PLSCR5: variants seen among roughly 807,000 people sequenced by gnomAD.
PLSCR5 encodes phospholipid scramblase family member 5.
A neutral mutation model predicts 33.6 loss-of-function variants in PLSCR5; 44 were observed. The ratio of observed to expected loss-of-function variants is 1.31; its 90% confidence interval spans 1.03 to 1.69. The LOEUF (loss-of-function observed/expected upper bound fraction) is 1.69, where lower values mean the gene tolerates loss of function less well. Ranked by LOEUF, PLSCR5 falls within the 40% of genes most tolerant of loss-of-function variation. The pLI, the probability that PLSCR5 is intolerant of heterozygous loss-of-function variation, is 0.00. For synonymous variants in PLSCR5, 148 were observed against 112.3 expected (o/e 1.32, Z -2.01); for missense variants, 375 against 318.7 (o/e 1.18, Z -1.34).
rs760327163 is a variant in PLSCR5 at position 146,593,958 on chromosome 3, T to A, written c.415A>T (p.Arg139Ter). 2 of 1,613,646 alleles carry A rather than the reference T, an allele frequency of 1.2e-6. No homozygotes were observed. Among genetic ancestry groups the A allele is most frequent in the African/African-American group, 2.7e-5 (2 of 74,884 alleles). Residue 139 changes from arginine (R) to a stop codon, truncating the protein, a stop_gained, in exon 4 of 8, where the codon AGA (arginine) becomes TGA (stop). Coordinates refer to ENST00000443512, the MANE Select transcript of PLSCR5 (RefSeq NM_001085420.2). LOFTEE classifies it high-confidence loss of function. ...CAAGGGCACCAGCAGCTGTTACATCTCAAGGGCCTGTTCACTGTAATGACC... is the reference window on the plus strand; with the variant it reads ...CAAGGGCACCAGCAGCTGTTACATCACAAGGGCCTGTTCACTGTAATGACC... ...REVITVNRPL[R>*]CNSCWCPCYL...
At chr3:146,588,255 G>C (rs1430474746) in intron 6 of PLSCR5, among the ~76,000 whole-genome samples, 1 of 152,082 alleles carries the variant, frequency 6.6e-6, no homozygotes, top group Non-Finnish European at 1.5e-5. Flanking sequence ...TGGATCACGA[G>C]GTCAGAAGAT....
chr3:146,589,176 G>A (rs1157622778), intron 6 of PLSCR5, among the ~76,000 whole-genome samples: 2 of 152,066 alleles, frequency 1.3e-5, no homozygotes, highest in African/African-American at 2.4e-5. Flanking sequence ...AGAAATAATG[G>A]CAACTGGTAC....
chr3:146,586,327 C>T (rs926406466), intron 6 of PLSCR5, among the ~76,000 whole-genome samples: 1 of 151,958 alleles, frequency 6.6e-6, no homozygotes, highest in Non-Finnish European at 1.5e-5. Flanking sequence ...CTTAGAAACC[C>T]TATCTGAATC....
In PLSCR5 at chr3:146,591,882, C is replaced by T. The variant is rs777164459; in HGVS notation, c.454-1G>A. Reference sequence around the variant, plus strand: ...TACCAGGAGGGGCTTGGATTTCTAACTGTAAGAAGAGATAATGATAAAATA... The same window carrying T: ...TACCAGGAGGGGCTTGGATTTCTAATTGTAAGAAGAGATAATGATAAAATA... On this transcript the variant is annotated splice_acceptor_variant, in intron 4 of 7. Coordinates refer to ENST00000443512, the MANE Select transcript of PLSCR5 (RefSeq NM_001085420.2). LOFTEE classifies it high-confidence loss of function. The T allele has an allele frequency of 6.3e-7, 1 of 1,589,632 alleles. No individual in the cohort carries two copies. The highest frequency in any genetic ancestry group is 8.6e-7 in the Non-Finnish European group (1 of 1,169,046).
At chr3:146,595,113 A>C in intron 2 of PLSCR5, 30 bp from the exon 3 acceptor site, 1 of 1,309,874 alleles carries the variant, frequency 7.6e-7, no homozygotes, top group African/African-American at 1.5e-5. Context: ...AGGAAATAAA[A>C]AGTATTAACA....
At chr3:146,580,399 T>C (rs1231812630) in intron 7 of PLSCR5, among the ~76,000 whole-genome samples, 1 of 151,616 alleles carries the variant, frequency 6.6e-6, no homozygotes, top group Non-Finnish European at 1.5e-5. Context: ...CCATACTGGC[T>C]TCCTGTGCTT....
At chr3:146,583,948 G>A (rs1401451297), downstream of PLSCR5, among the ~76,000 whole-genome samples, 1 of 152,050 alleles carries the variant, frequency 6.6e-6, no homozygotes, top group African/African-American at 2.4e-5. Context: ...TTATATTTTA[G>A]AAACCAAAAG....
rs748911529 is a variant in PLSCR5 at position 146,600,359 on chromosome 3, G to C, written c.118C>G (p.Leu40Val). 6.8e-6 allele frequency: 11 copies of C among 1,609,132 alleles called. No individual in the cohort carries two copies. The highest frequency in any genetic ancestry group is 9.3e-6 in the Non-Finnish European group (11 of 1,177,384). ...SSNPGNQAWQ[L>V]SLPLPSSFLP... Reference sequence around the variant, plus strand: ...AAACTGCTTGGCAGAGGGAGACTCAGCTGCCATGCTTGGTTCCCTGGATTG... The same window carrying C: ...AAACTGCTTGGCAGAGGGAGACTCACCTGCCATGCTTGGTTCCCTGGATTG... The change falls in exon 2 of 8, where the codon CTG (leucine) becomes GTG (valine). Residue 40 changes from leucine (L) to valine (V), a missense_variant. By Grantham distance (32) the Leu-to-Val change is conservative (BLOSUM62 1). Transcript: ENST00000443512.
intron 1 of PLSCR5, among the ~76,000 whole-genome samples, chr3:146,603,766 TA>T (rs1309786784): frequency 6.6e-6 from 1 of 152,142 alleles, no homozygotes; most frequent in Non-Finnish European, 1.5e-5. Flanking sequence ...TCTTATTTTA[TA>T]AAGTGATGAA....
chr3:146,593,668 A>G (rs1473186705), intron 4 of PLSCR5, among the ~76,000 whole-genome samples: 1 of 152,172 alleles, frequency 6.6e-6, no homozygotes, highest in African/African-American at 2.4e-5. Flanking sequence ...CCAGAGGTCT[A>G]TCTCATTTAC....
intron 1 of PLSCR5, among the ~76,000 whole-genome samples, chr3:146,603,033 C>T (rs1055112109): frequency 1.3e-5 from 2 of 152,052 alleles, no homozygotes; most frequent in African/African-American, 4.8e-5. Context: ...GTTCAGATCA[C>T]CGTGTTTGAG....
intron 2 of PLSCR5, among the ~76,000 whole-genome samples, chr3:146,599,690 T>C (rs2044794538): frequency 6.6e-6 from 1 of 151,520 alleles, no homozygotes; most frequent in South Asian, 2.1e-4. Context: ...TTTTTTTTTT[T>C]TTTTCCAAGG....
chr3:146,594,936 C>A, intron 3 of PLSCR5, 105 bp downstream of exon 3: 1 of 590,374 alleles, frequency 1.7e-6, no homozygotes, highest in Non-Finnish European at 2.6e-6. Flanking sequence ...CTATTCTACA[C>A]ATTTAACTTT....
At position 146,593,927 on chromosome 3, in the gene PLSCR5, A is replaced by C. The variant is rs755183360; in HGVS notation, c.446T>G (p.Leu149Arg). 9.3e-6 allele frequency: 15 copies of C among 1,613,360 alleles called. No homozygotes were observed. In the African/African-American group the frequency reaches 1.5e-4, roughly 16 times the overall value. ...RCNSCWCPCYLQELEIQAPPG... is the reference protein window; with the variant it reads ...RCNSCWCPCYRQELEIQAPPG... ...CCAGAGCCAGTAACTAACCTCTTGT[A>C]GGTAGCAAGGGCACCAGCAGCTGTT... The change falls in exon 4 of 8, where the codon CTA (leucine) becomes CGA (arginine). Residue 149 changes from leucine to arginine, a missense_variant. Coordinates refer to ENST00000443512, the MANE Select transcript of PLSCR5 (RefSeq NM_001085420.2).
rs1216161879 is a variant in PLSCR5 at position 146,593,883 on chromosome 3, TA to T, written c.453+36del. 12 of 1,576,072 alleles carry T rather than the reference TA, an allele frequency of 7.6e-6. No individual in the cohort carries two copies. In the South Asian group the frequency reaches 1.2e-4, roughly 16 times the overall value. ...CTTTTAAAGAAACAAATGCTAATCTTAAAAATCAAAAAGGACAACCAGAGCC... is the reference window on the plus strand; with the variant it reads ...CTTTTAAAGAAACAAATGCTAATCTTAAAATCAAAAAGGACAACCAGAGCC... On this transcript the variant is annotated intron_variant, in intron 4 of 7. Coordinates refer to ENST00000443512, the MANE Select transcript of PLSCR5 (RefSeq NM_001085420.2).
At position 146,586,019 on chromosome 3, in the gene PLSCR5, T is replaced by C; in HGVS notation, c.*44+11A>G. 1 of 1,444,122 alleles carries C rather than the reference T, an allele frequency of 6.9e-7. No individual in the cohort carries two copies. The highest frequency in any genetic ancestry group is 9.2e-7 in the Non-Finnish European group (1 of 1,089,438). 89.5% of individuals were successfully genotyped at this position (1,444,122 alleles called of 1,614,324 possible). ...AGGGAAAGAGATCATTTAAACTTGC[T>C]TTTTACTTACTGAAATATGTTCTGC... On this transcript the variant is annotated intron_variant, in intron 7 of 7. Transcript: ENST00000443512.
rs531108398 is a variant in PLSCR5, at chr3:146,578,282, T to A, written c.*45-1557A>T. Among the ~76,000 whole-genome samples, 7 of 152,234 alleles carry A rather than the reference T, an allele frequency of 4.6e-5. No homozygotes were observed. In the South Asian group the frequency reaches 1.5e-3, roughly 32 times the overall value. On this transcript the variant is annotated intron_variant, in intron 7 of 7. Coordinates refer to the PLSCR5 transcript ENST00000482567. ...TCAGGCTTACACATTGGCTACTTTA[T>A]CTATTATGTGGAATAATAACCACAA... is the stretch of plus-strand genomic sequence containing the variant.
chr3:146,594,374 G>C (rs2044741433), intron 3 of PLSCR5, among the ~76,000 whole-genome samples: 1 of 151,934 alleles, frequency 6.6e-6, no homozygotes, highest in South Asian at 2.1e-4. Context: ...CCAGATATAT[G>C]ACCTACTTGA....
At chr3:146,596,962 T>C (rs551416078) in intron 2 of PLSCR5, among the ~76,000 whole-genome samples, 1 of 152,140 alleles carries the variant, frequency 6.6e-6, no homozygotes, top group Non-Finnish European at 1.5e-5. Flanking sequence ...TCTTTAGTAG[T>C]GTACTGCATT....
Sources: gnomAD v4.1 joint callset for allele counts (sites outside exome capture counted in the v4.1 genomes callset) on GRCh38, gnomAD v4.1.1 for gene constraint, MANE v1.5 for transcripts, NCBI Gene and HGNC (gene_info 2026-07-23, HGNC 2026-07-21) for gene names.